COG7: variants seen among roughly 807,000 people sequenced by gnomAD.
COG7 encodes conserved oligomeric Golgi complex subunit 7.
COG7 carries 49 observed loss-of-function variants against 91.5 expected under a neutral mutation model. The ratio of observed to expected loss-of-function variants is 0.54; its 90% CI spans 0.43 to 0.68. The LOEUF is 0.68. Ranked by LOEUF, COG7 falls within the 30% of genes least tolerant of loss-of-function variation. The pLI, the probability that COG7 is intolerant of heterozygous loss-of-function variation, is 0.00. For synonymous variants in COG7, 365 were observed against 388.7 expected, an observed-to-expected ratio of 0.94 and a Z score of 0.72; for missense variants, 895 against 961.3, an observed-to-expected ratio of 0.93 and a Z score of 0.91.
rs866875812 is a variant in COG7, at chr16:23,445,958, G to C, written c.173C>G (p.Thr58Arg). The C allele has an allele frequency of 2.1e-6, 3 of 1,448,768 alleles. No individual in the cohort carries two copies. The African/African-American group carries it at 4.5e-5, about 22-fold the overall frequency. The allele number at this position is 1,448,768 out of a possible 1,614,324, so 89.7% of individuals were successfully genotyped here. Residue 58 changes from threonine to arginine, a missense_variant, in exon 2 of 17, where the codon ACA becomes AGA. By Grantham distance (71) the Thr-to-Arg change is moderately conservative. Coordinates refer to ENST00000307149, the MANE Select transcript of COG7 (RefSeq NM_153603.4). ...IQEVNHAVEE[T>R]SHQALQNMPK... is the part of the protein sequence containing the mutation. Reference sequence around the variant, plus strand: ...CATGTTCTGGAGAGCTTGGTGACTTGTTTCTGTAGTTAAAAAAAAAAAAAA... The same window carrying C: ...CATGTTCTGGAGAGCTTGGTGACTTCTTTCTGTAGTTAAAAAAAAAAAAAA...
intron 9 of COG7, chr16:23,414,979 T>C (rs1596927548): frequency 6.6e-6 from 1 of 152,248 alleles, no homozygotes; most frequent in East Asian, 1.9e-4. Flanking sequence ...GGTCAGTCCA[T>C]GCAGTGGAGA....
intron 10 of COG7, among the ~76,000 whole-genome samples, chr16:23,411,350 G>A (rs1036940728): frequency 3.9e-5 from 6 of 152,064 alleles, no homozygotes; most frequent in African/African-American, 1.4e-4. Context: ...TCATCACCAG[G>A]CTATCTAGGC....
intron 6 of COG7, among the ~76,000 whole-genome samples, chr16:23,429,623 G>A (rs1456067074): frequency 1.3e-5 from 2 of 152,056 alleles, no homozygotes; most frequent in Non-Finnish European, 2.9e-5. Context: ...AATTAGCTGG[G>A]CATGGTGGTG....
chr16:23,436,998 G>T (rs541791059), intron 4 of COG7, among the ~76,000 whole-genome samples: 2 of 152,296 alleles, frequency 1.3e-5, no homozygotes, highest in East Asian at 3.9e-4. Flanking sequence ...GGGCGCTAAG[G>T]GTGGTGCAGA....
At chr16:23,403,903 A>G in intron 12 of COG7, 69 bp from the exon 13 acceptor site, 1 of 1,596,934 alleles carries the variant, frequency 6.3e-7, no homozygotes, top group South Asian at 1.1e-5. Flanking sequence ...CTAGTTAACC[A>G]TTTTGAAAAC....
chr16:23,426,771 C>T (rs980302346), intron 6 of COG7, among the ~76,000 whole-genome samples: 1 of 145,266 alleles, frequency 6.9e-6, no homozygotes, highest in African/African-American at 2.6e-5. Flanking sequence ...CCTGCTTTTG[C>T]CACTCTATTC....
In COG7 at chr16:23,398,138, G is replaced by A; in HGVS notation, c.1804-9C>T. ...CCAGCCGTATTCCAGCTCTAAGGGT[G>A]GAACGAGAGGACACAATCAGTACCT... is the stretch of plus-strand genomic sequence containing the variant. On this transcript the variant is annotated splice_polypyrimidine_tract_variant and intron_variant, in intron 13 of 16. Coordinates refer to ENST00000307149, the MANE Select transcript of COG7 (RefSeq NM_153603.4). 7 of 1,612,262 alleles carry A rather than the reference G, an allele frequency of 4.3e-6. No individual in the cohort carries two copies. Among genetic ancestry groups the A allele is most frequent in the Non-Finnish European group, 5.9e-6 (7 of 1,178,366 alleles).
At chr16:23,426,503 T>G (rs778163281) in intron 6 of COG7, among the ~76,000 whole-genome samples, 1 of 152,056 alleles carries the variant, frequency 6.6e-6, no homozygotes, top group Non-Finnish European at 1.5e-5. Context: ...GCTCAAAAAA[T>G]AAAAATATTA....
chr16:23,399,150 T>C (rs991574540), intron 13 of COG7, among the ~76,000 whole-genome samples: 4 of 152,184 alleles, frequency 2.6e-5, no homozygotes, highest in African/African-American at 9.7e-5. Context: ...GGAATGACCA[T>C]GTCCAACCCT....
chr16:23,445,310 AT>A (rs1964163977), intron 2 of COG7, 146 bp from the exon 3 acceptor site: 2 of 756,240 alleles, frequency 2.6e-6, no homozygotes, highest in Non-Finnish European at 4.8e-6. Flanking sequence ...GGCTAAATTT[AT>A]TCAGCAGTGC....
chr16:23,452,745 G>A, intron 1 of COG7, 81 bp downstream of exon 1: 1 of 1,532,652 alleles, frequency 6.5e-7, no homozygotes, highest in Non-Finnish European at 8.8e-7. Context: ...CCGCCCACCT[G>A]AGTGCCTCAC....
chr16:23,410,706 A>G (rs79200145), intron 10 of COG7, among the ~76,000 whole-genome samples: 2 of 151,958 alleles, frequency 1.3e-5, no homozygotes, highest in South Asian at 4.1e-4. Context: ...TTTATTATTT[A>G]TTTATTTATT....
intron 11 of COG7, among the ~76,000 whole-genome samples, chr16:23,409,088 T>TGTGTGTGCGCGC (rs567307217): frequency 9.9e-4 from 146 of 147,908 alleles, no homozygotes; most frequent in Admixed American, 3.1e-3. Flanking sequence ...TGTGTGTGTG[T>TGTGTGTGCGCGC]GCGTGCATGT....
intron 14 of COG7, among the ~76,000 whole-genome samples, chr16:23,397,485 G>C (rs1459326533): frequency 6.6e-6 from 1 of 152,166 alleles, no homozygotes; most frequent in Non-Finnish European, 1.5e-5. Flanking sequence ...CAATTCCCAG[G>C]GGTGAATGGG....
intron 11 of COG7, among the ~76,000 whole-genome samples, chr16:23,406,922 G>A (rs1318043866): frequency 6.6e-6 from 1 of 152,206 alleles, no homozygotes; most frequent in Non-Finnish European, 1.5e-5. Context: ...TGCTGGGGAA[G>A]TGGAATCTTG....
intron 16 of COG7, chr16:23,391,913 G>T: frequency 1.2e-6 from 1 of 851,982 alleles, no homozygotes; most frequent in Non-Finnish European, 1.5e-6. Flanking sequence ...TTATGGAACT[G>T]CCCTGGGCCT....
At chr16:23,416,857 G>A (rs559881920) in intron 9 of COG7, 110 bp downstream of exon 9, 3 of 1,256,636 alleles carry the variant, frequency 2.4e-6, no homozygotes, top group East Asian at 2.5e-5. Flanking sequence ...TTGGGTTCAG[G>A]TGCAAGTGTT....
At chr16:23,430,947 T>TG (rs1279059340) in intron 6 of COG7, among the ~76,000 whole-genome samples, 1 of 151,792 alleles carries the variant, frequency 6.6e-6, no homozygotes, top group African/African-American at 2.4e-5. Context: ...GAAGATCACT[T>TG]GAGCCCAGGA....
chr16:23,422,750 T>C (rs141110863), intron 7 of COG7, among the ~76,000 whole-genome samples: 1 of 152,090 alleles, frequency 6.6e-6, no homozygotes, highest in East Asian at 1.9e-4. Flanking sequence ...GGGAGAATCA[T>C]TAGTAATCTA....
Sources: allele counts gnomAD v4.1 joint callset (sites outside exome capture counted in the v4.1 genomes callset), GRCh38; gene constraint gnomAD v4.1.1; transcripts MANE v1.5; gene names NCBI Gene and HGNC (gene_info 2026-07-23, HGNC 2026-07-21).